Variants in PTPRS observed in about 807,000 individuals in gnomAD.
The protein encoded by PTPRS is receptor-type tyrosine-protein phosphatase S.
Under a neutral mutation model 215.3 loss-of-function variants are expected in PTPRS, and 63 were observed. The ratio of observed to expected loss-of-function variants is 0.29; its 90% CI spans 0.24 to 0.36. The LOEUF is 0.36. Among genes scored for constraint, PTPRS ranks in the 10% least tolerant of loss-of-function variants. The pLI is 1.00. For synonymous variants in PTPRS, 1,404 were observed against 1,191.4 expected (o/e 1.18, Z -3.68); for missense variants, 2,258 against 2,825.8 (o/e 0.80, Z 4.56).
At chr19:5,279,133 C>T in intron 2 of PTPRS, among the ~76,000 whole-genome samples, 1 of 151,618 alleles carries the variant, frequency 6.6e-6, no homozygotes. Flanking sequence ...CTGCAGTGAG[C>T]TCAGACCGCA....
At chr19:5,221,331 C>A in intron 19 of PTPRS, 78 bp from the exon 20 acceptor site, 5 of 1,530,964 alleles carry the variant, frequency 3.3e-6, no homozygotes, top group Non-Finnish European at 4.4e-6. Flanking sequence ...GATGAGTCCC[C>A]CACCCTGACT....
At chr19:5,253,619 G>A (rs2045326576) in intron 9 of PTPRS, among the ~76,000 whole-genome samples, 2 of 152,206 alleles carry the variant, frequency 1.3e-5, no homozygotes, top group Admixed American at 1.3e-4. Context: ...TGGGGCTGGA[G>A]CCAGGAGAAA....
At chr19:5,271,764 G>A (rs1348076256) in intron 4 of PTPRS, among the ~76,000 whole-genome samples, 7 of 151,204 alleles carry the variant, frequency 4.6e-5, no homozygotes, top group East Asian at 2.0e-4. Flanking sequence ...CGCTCTTGTC[G>A]CCCAGGCTGG....
intron 12 of PTPRS, 91 bp downstream of exon 12, chr19:5,240,108 G>T: frequency 7.3e-7 from 1 of 1,362,166 alleles, no homozygotes; most frequent in Non-Finnish European, 9.6e-7. Context: ...GCACACATAG[G>T]GACAAAGAGG....
intron 14 of PTPRS, among the ~76,000 whole-genome samples, chr19:5,230,421 C>T (rs539248229): frequency 2.0e-5 from 3 of 152,264 alleles, no homozygotes; most frequent in African/African-American, 7.2e-5. Context: ...CCTCAGCCTC[C>T]CAAGTAGCTG....
chr19:5,218,720 A>G, intron 24 of PTPRS, 67 bp downstream of exon 24: 1 of 1,586,116 alleles, frequency 6.3e-7, no homozygotes, highest in South Asian at 1.1e-5. Context: ...CTGTGGGCAC[A>G]CTATCAGCCC....
intron 23 of PTPRS, chr19:5,218,999 G>A: frequency 1.5e-6 from 1 of 653,210 alleles, no homozygotes; most frequent in Non-Finnish European, 2.6e-6. Flanking sequence ...TCTCAGCCCT[G>A]GGATGTGCCC....
intron 1 of PTPRS, among the ~76,000 whole-genome samples, chr19:5,326,295 A>G (rs1323601866): frequency 6.6e-6 from 1 of 152,138 alleles, no homozygotes; most frequent in East Asian, 1.9e-4. Flanking sequence ...GCTTAAGGCT[A>G]AAAGCCTCAG....
At chr19:5,256,988 C>A (rs527242805) in intron 8 of PTPRS, among the ~76,000 whole-genome samples, 9 of 151,764 alleles carry the variant, frequency 5.9e-5, no homozygotes. Flanking sequence ...AATTACACAG[C>A]GCTAACTGGG....
intron 1 of PTPRS, among the ~76,000 whole-genome samples, chr19:5,318,599 C>T (rs148109916): frequency 1.7e-4 from 26 of 152,276 alleles, no homozygotes; most frequent in African/African-American, 6.0e-4. Flanking sequence ...GCTGTTCACA[C>T]CACCTGAGAA....
At chr19:5,263,068 G>T in intron 5 of PTPRS, 96 bp from the exon 6 acceptor site, 2 of 678,558 alleles carry the variant, frequency 2.9e-6, no homozygotes, top group Non-Finnish European at 5.1e-6. Flanking sequence ...GGGAGGGCGG[G>T]GGAGGGGAGG....
At chr19:5,217,655 TAG>T (rs1287752022) in intron 25 of PTPRS, among the ~76,000 whole-genome samples, 1 of 151,952 alleles carries the variant, frequency 6.6e-6, no homozygotes, top group Admixed American at 6.6e-5. Flanking sequence ...GGTTGGAAAA[TAG>T]AGTTGATATG....
At chr19:5,337,849 C>T (rs2050555266) in intron 1 of PTPRS, among the ~76,000 whole-genome samples, 1 of 152,132 alleles carries the variant, frequency 6.6e-6, no homozygotes, top group African/African-American at 2.4e-5. Context: ...TGCCTGAAAT[C>T]CCCTGGGAGG....
In PTPRS at chr19:5,221,266, G is replaced by A. The variant is rs2041951057; in HGVS notation, c.3202-13C>T. On this transcript the variant is annotated splice_polypyrimidine_tract_variant and intron_variant, in intron 19 of 37. Coordinates refer to ENST00000262963, the MANE Select transcript of PTPRS (RefSeq NM_002850.4). ...CATTGTACTGGATCTGCGGACCAGG[G>A]CTAGCTCAGCAGGGCCTGGTGGGCT... is the stretch of plus-strand genomic sequence containing the variant. 1.2e-6 allele frequency: 2 copies of A among 1,605,692 alleles called. No individual in the cohort carries two copies. Among genetic ancestry groups the A allele is most frequent in the African/African-American group, 1.3e-5 (1 of 74,902 alleles).
chr19:5,225,905 C>A, intron 16 of PTPRS, 61 bp from the exon 17 acceptor site: 2 of 1,382,898 alleles, frequency 1.4e-6, no homozygotes, highest in Non-Finnish European at 2.1e-6. Context: ...CACCCACCCC[C>A]ACTCCCCGTG....
At chr19:5,306,054 T>TGCTC (rs1347429570) in intron 1 of PTPRS, among the ~76,000 whole-genome samples, 4 of 149,264 alleles carry the variant, frequency 2.7e-5, no homozygotes, top group Admixed American at 6.7e-5. Context: ...GTCCCTCTAA[T>TGCTC]GCTCCCCTGG....
At chr19:5,261,936 T>C (rs574768869) in intron 6 of PTPRS, among the ~76,000 whole-genome samples, 1 of 152,330 alleles carries the variant, frequency 6.6e-6, no homozygotes, top group East Asian at 1.9e-4. Context: ...GGCTGGCCTT[T>C]GCTAGGACAC....
At chr19:5,300,312 C>T (rs1213210360) in intron 1 of PTPRS, among the ~76,000 whole-genome samples, 1 of 142,182 alleles carries the variant, frequency 7.0e-6, no homozygotes, top group Non-Finnish European at 1.5e-5. Flanking sequence ...GTCACACCGG[C>T]CACATTTCCA....
In PTPRS at chr19:5,206,503, C is replaced by T. The variant is rs115089200; in HGVS notation, c.*271G>A. 6.4e-3 allele frequency: 2,409 copies of T among 374,884 alleles called. 62 individuals are homozygous for T. The highest frequency in any genetic ancestry group is 0.047 in the African/African-American group (2,244 of 47,880). 23.2% of individuals were successfully genotyped at this position (374,884 alleles called of 1,614,324 possible). ...ATTTGCTCACCATCCCCCCACCCCC[C>T]ACCCCGGAATCTGGTTTTGGAATTG... is the stretch of plus-strand genomic sequence containing the variant. On this transcript the variant is annotated 3_prime_UTR_variant, in exon 38 of 38. Transcript: ENST00000262963.
Sources: allele counts gnomAD v4.1 joint callset (sites outside exome capture counted in the v4.1 genomes callset), GRCh38; gene constraint gnomAD v4.1.1; transcripts MANE v1.5; gene names NCBI Gene and HGNC (gene_info 2026-07-23, HGNC 2026-07-21).